Variants in RNF170 observed in about 807,000 individuals in gnomAD.
The protein encoded by RNF170 is ring finger protein 170.
In RNF170, 12 loss-of-function variants were observed where a neutral mutation model predicts 32.7. The observed-to-expected ratio is 0.37, with a 90% CI of 0.24 to 0.60. The LOEUF (loss-of-function observed/expected upper bound fraction) is 0.60, where lower values mean the gene tolerates loss of function less well. Ranked by LOEUF, RNF170 falls within the 20% of genes least tolerant of loss-of-function variation. The pLI, the probability that RNF170 is intolerant of heterozygous loss-of-function variation, is 0.72. For missense variants in RNF170, 212 were observed against 311.2 expected (o/e 0.68, Z 2.40); for synonymous variants, 91 against 103.6 (o/e 0.88, Z 0.74).
At position 42,883,877 on chromosome 8, in the gene RNF170, C is replaced by A. The variant is rs547385361; in HGVS notation, c.137+3851G>T. On this transcript the variant is annotated intron_variant, in intron 2 of 6. Transcript: ENST00000527424. ...CTGAATTTTAAACTACAAATGCCAC[C>A]CCTTCCCCAATACATCATGATTCCC... Among the ~76,000 whole-genome samples, 15 of 151,850 alleles carry A rather than the reference C, an allele frequency of 9.9e-5. 1 individual carries two copies. The South Asian group carries it at 2.9e-3, about 30-fold the overall frequency.
chr8:42,866,747 C>T lies in RNF170; in HGVS notation c.323-1258G>A, dbSNP rs921343986. On this transcript the variant is annotated intron_variant, in intron 4 of 6. Transcript: ENST00000527424. Reference sequence around the variant, plus strand: ...AGGTATTCATGAGCAGCAAGCCAGCCGAAGATGGGCAACACAGCCTAAAGG... The same window carrying T: ...AGGTATTCATGAGCAGCAAGCCAGCTGAAGATGGGCAACACAGCCTAAAGG... 9.9e-5 allele frequency among the ~76,000 whole-genome samples: 15 copies of T among 152,108 alleles called. No homozygotes were observed. The East Asian group carries it at 2.1e-3, about 21-fold the overall frequency.
In RNF170 at chr8:42,854,391, C is replaced by T. The variant is rs1803085186; in HGVS notation, c.*1768G>A. On this transcript the variant is annotated 3_prime_UTR_variant, in exon 7 of 7. Transcript: ENST00000527424. ...TGTTGTATGACTTCATTCAAAAACA[C>T]TTTCATCAATAGCATGGGGATTGTA... 2 of 1,287,108 alleles carry T rather than the reference C, an allele frequency of 1.6e-6. No individual in the cohort carries two copies. The highest frequency in any genetic ancestry group is 2.0e-6 in the Non-Finnish European group (2 of 988,704). The allele number at this position is 1,287,108 out of a possible 1,614,324, so 79.7% of individuals were successfully genotyped here. A position where few individuals can be genotyped will look rare whatever the true frequency, so the allele number is the denominator to read the frequency against.
At position 42,854,581 on chromosome 8, in the gene RNF170, C is replaced by T. The variant is rs1263073145; in HGVS notation, c.*1578G>A. 7.8e-7 allele frequency: 1 copy of T among 1,286,938 alleles called. No individual in the cohort carries two copies. Among genetic ancestry groups the T allele is most frequent in the African/African-American group, 1.5e-5 (1 of 65,784 alleles). The allele number at this position is 1,286,938 out of a possible 1,614,324, so 79.7% of individuals were successfully genotyped here. The stretch of plus-strand genomic sequence containing the variant: ...CTGTCCTAGGTCCAAATTAGAAAAA[C>T]ACATATTGATATTTCATTCAGAATC... On this transcript the variant is annotated 3_prime_UTR_variant, in exon 7 of 7. Transcript: ENST00000527424.
intron 3 of RNF170, among the ~76,000 whole-genome samples, chr8:42,870,836 G>C (rs1372648780): frequency 3.3e-5 from 5 of 152,104 alleles, no homozygotes; most frequent in Admixed American, 6.6e-5. Context: ...GAAACATCTA[G>C]ATATCAAAGA....
At chr8:42,885,287 T>A (rs1467882181) in intron 2 of RNF170, among the ~76,000 whole-genome samples, 1 of 152,214 alleles carries the variant, frequency 6.6e-6, no homozygotes, top group Non-Finnish European at 1.5e-5. Context: ...CACACCACAT[T>A]TTCTTCATTC....
intron 1 of RNF170, among the ~76,000 whole-genome samples, chr8:42,894,369 C>G (rs1185061004): frequency 2.6e-5 from 4 of 152,192 alleles, no homozygotes. Context: ...CATCTAAAGA[C>G]AAGCTGCATG....
At chr8:42,871,146 A>G (rs1233812620) in intron 3 of RNF170, among the ~76,000 whole-genome samples, 2 of 151,954 alleles carry the variant, frequency 1.3e-5, no homozygotes, top group East Asian at 3.9e-4. Context: ...AGAGGTAAAG[A>G]CTGCAATGAG....
intron 1 of RNF170, among the ~76,000 whole-genome samples, chr8:42,895,225 G>A (rs1418567531): frequency 1.3e-5 from 2 of 152,106 alleles, no homozygotes; most frequent in Admixed American, 1.3e-4. Context: ...TGAGGTAGGA[G>A]GATCACTTGA....
At chr8:42,897,032 G>A, upstream of RNF170, 1 of 889,242 alleles carries the variant, frequency 1.1e-6, no homozygotes, top group Non-Finnish European at 1.5e-6. Context: ...GGAGCAGGCG[G>A]GCCTGAGGCC....
intron 5 of RNF170, among the ~76,000 whole-genome samples, chr8:42,862,327 C>A (rs1803721423): frequency 6.6e-6 from 1 of 152,058 alleles, no homozygotes; most frequent in African/African-American, 2.4e-5. Flanking sequence ...TATGTTATTG[C>A]AGGGACCAGC....
At chr8:42,877,610 A>G (rs1354891719) in intron 2 of RNF170, among the ~76,000 whole-genome samples, 1 of 152,264 alleles carries the variant, frequency 6.6e-6, no homozygotes, top group African/African-American at 2.4e-5. Flanking sequence ...CTGAATATCC[A>G]TATTAAAAAT....
At chr8:42,869,210 T>C (rs1804343075) in intron 4 of RNF170, among the ~76,000 whole-genome samples, 1 of 152,182 alleles carries the variant, frequency 6.6e-6, no homozygotes, top group South Asian at 2.1e-4. Flanking sequence ...GCGCCTGGCC[T>C]CTTTGTAAAA....
chr8:42,855,939 A>C lies in RNF170; in HGVS notation c.*220T>G. On this transcript the variant is annotated 3_prime_UTR_variant, in exon 7 of 7. Coordinates refer to ENST00000527424, the MANE Select transcript of RNF170 (RefSeq NM_030954.4). ...CAACATAGAATCAAGATACAACTGT[A>C]GATCATTATAATTCTAAACTTAATA... 1 of 1,333,146 alleles carries C rather than the reference A, an allele frequency of 7.5e-7. No homozygotes were observed. The allele number at this position is 1,333,146 out of a possible 1,614,324, so 82.6% of individuals were successfully genotyped here.
chr8:42,882,145 G>A (rs187829500), intron 2 of RNF170, among the ~76,000 whole-genome samples: 39 of 152,312 alleles, frequency 2.6e-4, no homozygotes, highest in Admixed American at 7.2e-4. Context: ...GTGCCTTGCT[G>A]GTGGGAATAT....
At chr8:42,892,054 C>T (rs975512466) in intron 1 of RNF170, among the ~76,000 whole-genome samples, 6 of 152,296 alleles carry the variant, frequency 3.9e-5, no homozygotes, top group East Asian at 1.9e-4. Flanking sequence ...AGTTTCCTGA[C>T]GGTGCCTACT....
At position 42,870,069 on chromosome 8, in the gene RNF170, T is replaced by C. The variant is rs1368641154; in HGVS notation, c.257A>G (p.Tyr86Cys). Residue 86 changes from tyrosine (Y) to cysteine (C), a missense_variant, in exon 4 of 7, where the codon TAC (tyrosine) becomes TGC (cysteine). This residue lies in a region of RNF170 where 115 missense variants were observed against 132.3 expected (regional missense o/e 0.87). Coordinates refer to ENST00000527424, the MANE Select transcript of RNF170 (RefSeq NM_030954.4). ...GGCTTGGTGCAGGCAGATGGGACAG[T>C]ACATGTCAGTGTAGAACTGCTGTCG... ...ATRQQFYTDM[Y>C]CPICLHQASF... is the part of the protein sequence containing the mutation. 6.2e-7 allele frequency: 1 copy of C among 1,614,166 alleles called. No individual in the cohort carries two copies. Among genetic ancestry groups the C allele is most frequent in the South Asian group, 1.1e-5 (1 of 91,066 alleles).
At position 42,863,035 on chromosome 8, in the gene RNF170, G is replaced by T. The variant is rs575098186; in HGVS notation, c.397-1180C>A. The stretch of plus-strand genomic sequence containing the variant: ...AAATGGTGGTAGGACTGTGGCTGGT[G>T]TGCACGCATTCAAGGGGAGAAGTGG... On this transcript the variant is annotated intron_variant, in intron 5 of 6. Transcript: ENST00000527424. Among the ~76,000 whole-genome samples, 28 of 152,316 alleles carry T rather than the reference G, an allele frequency of 1.8e-4. No homozygotes were observed. The South Asian group carries it at 4.1e-3, about 23-fold the overall frequency.
At chr8:42,896,262 G>A (rs535498083) in intron 1 of RNF170, 3 of 342,644 alleles carry the variant, frequency 8.8e-6, no homozygotes, top group Non-Finnish European at 1.7e-5. Context: ...ACCTAGAGCC[G>A]CTCTCCGCGT....
chr8:42,858,274 C>T (rs1803394270), intron 6 of RNF170, among the ~76,000 whole-genome samples: 1 of 151,856 alleles, frequency 6.6e-6, no homozygotes, highest in African/African-American at 2.4e-5. Flanking sequence ...TAAATCTACC[C>T]ATTATCATCC....
Sources: gnomAD v4.1 joint callset for allele counts (sites outside exome capture counted in the v4.1 genomes callset) on GRCh38, gnomAD v4.1.1 for gene constraint, gnomAD v4.1.1 regional missense constraint, MANE v1.5 for transcripts, NCBI Gene and HGNC (gene_info 2026-07-23, HGNC 2026-07-21) for gene names.